Variants in SCOC observed in about 807,000 individuals in gnomAD.
SCOC encodes short coiled coil protein.
Under a neutral mutation model 9.9 loss-of-function variants are expected in SCOC, and 7 were observed. That is an observed-to-expected ratio of 0.71 (90% confidence interval 0.40 to 1.33). The LOEUF (loss-of-function observed/expected upper bound fraction) is 1.33. Ranked by LOEUF, SCOC falls within the 40% of genes most tolerant of loss-of-function variation. SCOC has a pLI of 0.01. For missense variants in SCOC, 66 were observed against 89.7 expected (o/e 0.74, Z 1.07); for synonymous variants, 19 against 28.2 (o/e 0.67, Z 1.03).
chr4:140,258,449 C>T (rs540172065), intron 1 of SCOC, among the ~76,000 whole-genome samples: 3 of 152,248 alleles, frequency 2.0e-5, no homozygotes, highest in African/African-American at 7.2e-5. Context: ...TTAAGGGTTA[C>T]CCTAAGACAT....
chr4:140,379,572 T>G lies in SCOC; in HGVS notation c.26T>G (p.Val9Gly). The G allele has an allele frequency of 6.2e-7, 1 of 1,609,480 alleles. No individual in the cohort carries two copies. The change falls in exon 3 of 4, where the codon GTT (valine) becomes GGT (glycine). Residue 9 changes from valine (V) to glycine (G), a missense_variant. By Grantham distance (109) the Val-to-Gly change is moderately radical. Coordinates refer to ENST00000608372, the MANE Select transcript of SCOC (RefSeq NM_001153484.2). MMNADMDAVDAENQVELEE... is the reference protein window; with the variant it reads MMNADMDAGDAENQVELEE... ...AATTTGAACCTTTATATTACAGCAG[T>G]TGATGCTGAAAATCAAGTGGAACTG...
At chr4:140,310,651 A>G (rs1732125498) in intron 1 of SCOC, among the ~76,000 whole-genome samples, 1 of 152,152 alleles carries the variant, frequency 6.6e-6, no homozygotes, top group African/African-American at 2.4e-5. Context: ...AAGTAGCTTT[A>G]GCCCCTCTCA....
At chr4:140,374,109 G>T (rs1378692720) in intron 1 of SCOC, 2 of 469,346 alleles carry the variant, frequency 4.3e-6, no homozygotes, top group South Asian at 3.1e-5. Context: ...ACCTTCCCGT[G>T]GCTGCTCTGC....
At chr4:140,308,195 C>T (rs1254485005) in intron 1 of SCOC, among the ~76,000 whole-genome samples, 1 of 152,164 alleles carries the variant, frequency 6.6e-6, no homozygotes, top group Admixed American at 6.5e-5. Context: ...GTTGTTAGGC[C>T]AGGCTGCTAA....
intron 1 of SCOC, among the ~76,000 whole-genome samples, chr4:140,305,256 C>T (rs1394630227): frequency 6.6e-6 from 1 of 152,190 alleles, no homozygotes; most frequent in Non-Finnish European, 1.5e-5. Flanking sequence ...ATTCCTCCTA[C>T]AGAAGGCATG....
chr4:140,342,198 G>A (rs1440748925), upstream of SCOC, among the ~76,000 whole-genome samples: 4 of 151,898 alleles, frequency 2.6e-5, no homozygotes, highest in Non-Finnish European at 5.9e-5. Flanking sequence ...ATACCTTCCT[G>A]TCTCTGAGCT....
chr4:140,302,312 G>C (rs60648966), intron 1 of SCOC, among the ~76,000 whole-genome samples: 36,177 of 151,894 alleles, frequency 0.24, 5,276 homozygotes, highest in African/African-American at 0.42. Context: ...TTCTGCCTGC[G>C]CTCAACAATG....
intron 2 of SCOC, among the ~76,000 whole-genome samples, chr4:140,347,480 G>T (rs1578836873): frequency 6.6e-6 from 1 of 152,100 alleles, no homozygotes; most frequent in Non-Finnish European, 1.5e-5. Context: ...CCACCGCACG[G>T]CTCAGGTTCC....
chr4:140,271,009 G>A (rs1730832822), intron 1 of SCOC, among the ~76,000 whole-genome samples: 1 of 152,046 alleles, frequency 6.6e-6, no homozygotes, highest in Non-Finnish European at 1.5e-5. Context: ...GTTCTTCATC[G>A]AGCTAATTAA....
intron 2 of SCOC, among the ~76,000 whole-genome samples, chr4:140,362,304 T>TCTTCTTCC (rs1415210513): frequency 3.6e-5 from 2 of 55,144 alleles, no homozygotes; most frequent in Non-Finnish European, 4.1e-5. Flanking sequence ...TTCTTCTTTT[T>TCTTCTTCC]TTTTTTTTTT....
At chr4:140,258,421 A>G (rs1202621038) in intron 1 of SCOC, among the ~76,000 whole-genome samples, 1 of 152,106 alleles carries the variant, frequency 6.6e-6, no homozygotes, top group Non-Finnish European at 1.5e-5. Context: ...ATCTCCGTCA[A>G]ACACTGGATT....
At chr4:140,373,607 G>A (rs1258891385), upstream of SCOC, 3 of 1,551,560 alleles carry the variant, frequency 1.9e-6, no homozygotes, top group African/African-American at 2.7e-5. Context: ...TTCTTCTCAC[G>A]GCGCACGTTC....
chr4:140,350,001 C>T lies in SCOC; in HGVS notation c.70+6293C>T, dbSNP rs544646679. On this transcript the variant is annotated intron_variant, in intron 2 of 4. Transcript: ENST00000338517. ...CTTTTCAGTGTCATTTCCTGCCACACCATTTGAGCTCAGTAGGAGACCCTT... is the reference window on the plus strand; with the variant it reads ...CTTTTCAGTGTCATTTCCTGCCACATCATTTGAGCTCAGTAGGAGACCCTT... Among the ~76,000 whole-genome samples, 23 of 152,324 alleles carry T rather than the reference C, an allele frequency of 1.5e-4. No homozygotes were observed. In the South Asian group the frequency reaches 4.6e-3, roughly 30 times the overall value.
At chr4:140,373,368 C>T, upstream of SCOC, 1 of 1,442,842 alleles carries the variant, frequency 6.9e-7, no homozygotes, top group Non-Finnish European at 9.1e-7. Context: ...CCTGATGAGC[C>T]GCTTCACCAG....
At chr4:140,288,904 A>G (rs1478634794) in intron 1 of SCOC, among the ~76,000 whole-genome samples, 1 of 151,970 alleles carries the variant, frequency 6.6e-6, no homozygotes, top group African/African-American at 2.4e-5. Context: ...GCTCCACCAT[A>G]TATGCATACC....
upstream of SCOC, among the ~76,000 whole-genome samples, chr4:140,370,832 T>C (rs920402559): frequency 6.6e-6 from 1 of 152,178 alleles, no homozygotes; most frequent in Non-Finnish European, 1.5e-5. Flanking sequence ...GTAAGTGGCC[T>C]ACTTACGTTA....
intron 1 of SCOC, among the ~76,000 whole-genome samples, chr4:140,320,581 C>A (rs1322311985): frequency 6.6e-6 from 1 of 152,086 alleles, no homozygotes; most frequent in Non-Finnish European, 1.5e-5. Flanking sequence ...TTCACACTGT[C>A]TTACAGTTTT....
chr4:140,294,347 C>A (rs1192133191), intron 1 of SCOC, among the ~76,000 whole-genome samples: 2 of 152,188 alleles, frequency 1.3e-5, no homozygotes. Flanking sequence ...CATGGAAGTA[C>A]CGGATGCCAC....
chr4:140,259,824 A>G (rs1730590808), intron 1 of SCOC, among the ~76,000 whole-genome samples: 1 of 152,214 alleles, frequency 6.6e-6, no homozygotes, highest in Admixed American at 6.5e-5. Context: ...AGAACCCTCC[A>G]TGAAGCAGCT....
Sources: gnomAD v4.1 joint callset for allele counts (sites outside exome capture counted in the v4.1 genomes callset) on GRCh38, gnomAD v4.1.1 for gene constraint, MANE v1.5 for transcripts, NCBI Gene and HGNC (gene_info 2026-07-23, HGNC 2026-07-21) for gene names.